Variants in SEPTIN14 observed in about 807,000 individuals in gnomAD.
SEPTIN14 encodes the protein septin-14.
In SEPTIN14, 40 loss-of-function variants were observed where a neutral mutation model predicts 53.6. The ratio of observed to expected loss-of-function variants is 0.75; its 90% CI spans 0.58 to 0.97. SEPTIN14 has a LOEUF of 0.97. Ranked by LOEUF, SEPTIN14 falls within the 50% of genes least tolerant of loss-of-function variation. SEPTIN14 has a pLI of 0.00. For synonymous variants in SEPTIN14, 138 were observed against 166.8 expected (o/e 0.83, Z 1.33); for missense variants, 471 against 508.2 (o/e 0.93, Z 0.70).
At chr7:55,827,419 A>G (rs566071101) in intron 6 of SEPTIN14, among the ~76,000 whole-genome samples, 36 of 152,332 alleles carry the variant, frequency 2.4e-4, no homozygotes, top group Non-Finnish European at 5.1e-4. Flanking sequence ...ACCTAGAGAT[A>G]GATGACTGGG....
intron 6 of SEPTIN14, among the ~76,000 whole-genome samples, chr7:55,832,276 G>A (rs1789122915): frequency 6.6e-6 from 1 of 151,928 alleles, no homozygotes; most frequent in South Asian, 2.1e-4. Context: ...AGATGTTGGT[G>A]TGAATGCAGA....
intron 6 of SEPTIN14, among the ~76,000 whole-genome samples, chr7:55,819,956 C>T (rs1359179516): frequency 6.6e-6 from 1 of 151,730 alleles, no homozygotes; most frequent in Admixed American, 6.6e-5. Flanking sequence ...AATGGATACA[C>T]AATATAAAAT....
At position 55,796,055 on chromosome 7, in the gene SEPTIN14, T is replaced by C; in HGVS notation, c.1157A>G (p.Gln386Arg). The C allele has an allele frequency of 2.7e-6, 4 of 1,504,236 alleles. No individual in the cohort carries two copies. The highest frequency in any genetic ancestry group is 3.6e-6 in the Non-Finnish European group (4 of 1,096,562). The allele number at this position is 1,504,236 out of a possible 1,614,324, so 93.2% of individuals were successfully genotyped here. Reference protein sequence around the residue: ...DKFEHLKMIQQEEIRKLEEEK... With the variant: ...DKFEHLKMIQREEIRKLEEEK... Reference sequence around the variant, plus strand: ...TTCCTCGAGCTTCCTTATCTCCTCCTGTTGAATCATTTTAAGATGCTCGAA... The same window carrying C: ...TTCCTCGAGCTTCCTTATCTCCTCCCGTTGAATCATTTTAAGATGCTCGAA... Residue 386 changes from glutamine (Q) to arginine (R), a missense_variant, in exon 10 of 10, where the codon CAG becomes CGG. By Grantham distance (43) the Gln-to-Arg change is conservative. Coordinates refer to ENST00000388975, the MANE Select transcript of SEPTIN14 (RefSeq NM_207366.3).
chr7:55,817,644 G>A (rs534736818), intron 7 of SEPTIN14, among the ~76,000 whole-genome samples: 64 of 151,762 alleles, frequency 4.2e-4, no homozygotes, highest in African/African-American at 1.5e-3. Flanking sequence ...TAATTTTTTT[G>A]TATTTTTAGT....
At chr7:55,844,912 C>CTT (rs34738740) in intron 3 of SEPTIN14, among the ~76,000 whole-genome samples, 194 bp from the exon 4 acceptor site, 67 of 145,878 alleles carry the variant, frequency 4.6e-4, no homozygotes, top group African/African-American at 1.0e-3. Flanking sequence ...TACAAAGTTT[C>CTT]TTTTTTTTTT....
chr7:55,840,164 C>T (rs574661524), intron 5 of SEPTIN14, among the ~76,000 whole-genome samples: 3 of 148,042 alleles, frequency 2.0e-5, no homozygotes, highest in Non-Finnish European at 4.5e-5. Flanking sequence ...CAGTGGGGCC[C>T]AACCTAAACT....
At chr7:55,840,424 G>T (rs574013662) in intron 5 of SEPTIN14, among the ~76,000 whole-genome samples, 4 of 152,108 alleles carry the variant, frequency 2.6e-5, no homozygotes, top group African/African-American at 9.6e-5. Flanking sequence ...AGGAGGCAGA[G>T]GCTACAGTGA....
intron 7 of SEPTIN14, among the ~76,000 whole-genome samples, chr7:55,815,782 A>C (rs1475325604): frequency 6.6e-6 from 1 of 152,230 alleles, no homozygotes; most frequent in Non-Finnish European, 1.5e-5. Context: ...TATGGAAAAC[A>C]GTATGGAGTT....
At chr7:55,824,101 A>G (rs1312611422) in intron 6 of SEPTIN14, among the ~76,000 whole-genome samples, 6 of 152,200 alleles carry the variant, frequency 3.9e-5, no homozygotes, top group African/African-American at 1.4e-4. Flanking sequence ...CATCGATATA[A>G]CACTGAAAAC....
At chr7:55,817,712 C>T (rs1394997220) in intron 7 of SEPTIN14, among the ~76,000 whole-genome samples, 6 of 151,902 alleles carry the variant, frequency 3.9e-5, no homozygotes, top group African/African-American at 1.2e-4. Context: ...CCTCATGATC[C>T]GCCCGCTTCA....
Position 55,795,343 on chromosome 7 carries a change from T to C in SEPTIN14, c.*570A>G, listed in dbSNP as rs117103388. 610 of 153,680 alleles carry C rather than the reference T, an allele frequency of 4.0e-3. 10 individuals are homozygous for C. The highest frequency in any genetic ancestry group is 0.013 in the East Asian group (68 of 5,200). The allele number at this position is 153,680 out of a possible 1,614,324, so 9.5% of individuals were successfully genotyped here. On this transcript the variant is annotated 3_prime_UTR_variant, in exon 10 of 10. Transcript: ENST00000388975. ...TTTTACATGATGCTACGTGTTTCTT[T>C]TGTTTTTTCATTTTGGCAAATATTG...
At chr7:55,830,943 T>G (rs1448846914) in intron 6 of SEPTIN14, among the ~76,000 whole-genome samples, 1 of 148,478 alleles carries the variant, frequency 6.7e-6, no homozygotes, top group African/African-American at 2.6e-5. Context: ...ATTTATGGAA[T>G]TTTTGGATTG....
chr7:55,839,390 A>AG (rs1375694861), intron 5 of SEPTIN14, among the ~76,000 whole-genome samples: 1 of 142,142 alleles, frequency 7.0e-6, no homozygotes, highest in Non-Finnish European at 1.5e-5. Flanking sequence ...ACTCCGTCTC[A>AG]GAAAAAAAAA....
Position 55,844,516 on chromosome 7 carries a change from C to A in SEPTIN14, c.371+7G>T. 7.0e-7 allele frequency: 1 copy of A among 1,421,424 alleles called. No homozygotes were observed. Among genetic ancestry groups the A allele is most frequent in the Non-Finnish European group, 9.4e-7 (1 of 1,066,588 alleles). 88.1% of individuals were successfully genotyped at this position (1,421,424 alleles called of 1,614,324 possible). On this transcript the variant is annotated splice_region_variant and intron_variant, in intron 4 of 9. Coordinates refer to ENST00000388975, the MANE Select transcript of SEPTIN14 (RefSeq NM_207366.3). The stretch of plus-strand genomic sequence containing the variant: ...ACCTTTTTTAATTTAAATAAGAAAA[C>A]ACTCACCTGGCTTCTTTGTCTATTT...
chr7:55,835,692 GCTA>G (rs944723637), intron 5 of SEPTIN14, among the ~76,000 whole-genome samples: 3 of 151,944 alleles, frequency 2.0e-5, no homozygotes, highest in African/African-American at 7.3e-5. Context: ...AGATAGATTT[GCTA>G]TTGTTTTTCA....
At chr7:55,826,378 G>A (rs964527998) in intron 6 of SEPTIN14, among the ~76,000 whole-genome samples, 1 of 152,210 alleles carries the variant, frequency 6.6e-6, no homozygotes, top group African/African-American at 2.4e-5. Context: ...AAGGGAGGCT[G>A]CGTAAGACTA....
chr7:55,820,543 G>A (rs753019691), intron 6 of SEPTIN14, among the ~76,000 whole-genome samples: 6 of 152,152 alleles, frequency 3.9e-5, no homozygotes. Flanking sequence ...TGATCCCATA[G>A]CATAGATAAC....
chr7:55,861,711 A>T (rs956370682), intron 2 of SEPTIN14, among the ~76,000 whole-genome samples: 5 of 152,182 alleles, frequency 3.3e-5, no homozygotes, highest in Admixed American at 1.3e-4. Flanking sequence ...TTAAGTAGAA[A>T]TAGTCTGTTG....
intron 4 of SEPTIN14, 130 bp from the exon 5 acceptor site, chr7:55,843,258 G>A (rs1251140452): frequency 3.9e-6 from 2 of 514,376 alleles, no homozygotes; most frequent in South Asian, 6.8e-5. Context: ...TTCATAACAT[G>A]TCCATACAAA....
Sources: allele counts gnomAD v4.1 joint callset (sites outside exome capture counted in the v4.1 genomes callset), GRCh38; gene constraint gnomAD v4.1.1; transcripts MANE v1.5; gene names NCBI Gene and HGNC (gene_info 2026-07-23, HGNC 2026-07-21).